The following NKAIN3 variants were observed in gnomAD, a reference collection of about 807,000 sequenced individuals.
NKAIN3 encodes sodium/potassium transporting ATPase interacting 3, also known as sodium/potassium-transporting ATPase subunit beta-1-interacting protein 3.
NKAIN3 carries 25 observed loss-of-function variants against 30.2 expected under a neutral mutation model. The ratio of observed to expected loss-of-function variants is 0.83; its 90% CI spans 0.60 to 1.16. The LOEUF (loss-of-function observed/expected upper bound fraction) is 1.16. NKAIN3 is among the 50% of genes most tolerant of loss of function. The pLI is 0.00. For synonymous variants in NKAIN3, 91 were observed against 89.6 expected (o/e 1.02, Z -0.09); for missense variants, 225 against 254.1 (o/e 0.89, Z 0.78).
At chr8:62,464,153 A>G (rs1292443505) in intron 1 of NKAIN3, among the ~76,000 whole-genome samples, 2 of 152,314 alleles carry the variant, frequency 1.3e-5, no homozygotes, top group Non-Finnish European at 2.9e-5. Flanking sequence ...AAACTGGGTG[A>G]GGAGTATGTG....
intron 4 of NKAIN3, among the ~76,000 whole-genome samples, chr8:62,757,354 T>C (rs539197968): frequency 1.3e-5 from 2 of 152,320 alleles, no homozygotes; most frequent in African/African-American, 4.8e-5. Flanking sequence ...AATAAAATTT[T>C]ATATCACTTT....
intron 3 of NKAIN3, among the ~76,000 whole-genome samples, chr8:62,670,319 A>C (rs1002748773): frequency 1.3e-5 from 2 of 152,102 alleles, no homozygotes; most frequent in South Asian, 4.1e-4. Context: ...TTGCAATATA[A>C]AGAACATCTA....
rs1455053352 is a variant in NKAIN3 at position 62,974,073 on chromosome 8, T to C, written c.*8666T>C. 6.6e-6 allele frequency among the ~76,000 whole-genome samples: 1 copy of C among 152,200 alleles called. No homozygotes were observed. Among genetic ancestry groups the C allele is most frequent in the Admixed American group, 6.5e-5 (1 of 15,284 alleles). On this transcript the variant is annotated 3_prime_UTR_variant, in exon 7 of 7. Coordinates refer to ENST00000623646, the MANE Select transcript of NKAIN3 (RefSeq NM_001304533.3). ...TGTTGTTTTGGTTACTGTAGCCTTG[T>C]AGTATAGTTTGAAGTTAGGTAGCAT... is the stretch of plus-strand genomic sequence containing the variant.
intron 1 of NKAIN3, among the ~76,000 whole-genome samples, chr8:62,354,985 A>G (rs940121518): frequency 6.6e-6 from 1 of 152,142 alleles, no homozygotes; most frequent in African/African-American, 2.4e-5. Flanking sequence ...TAAGCAAGCT[A>G]TCCCTTTTCT....
At chr8:62,387,609 T>A (rs751180527) in intron 1 of NKAIN3, among the ~76,000 whole-genome samples, 3 of 152,170 alleles carry the variant, frequency 2.0e-5, no homozygotes, top group Non-Finnish European at 4.4e-5. Flanking sequence ...TTAATTAGGA[T>A]CCTACTCCCA....
intron 5 of NKAIN3, among the ~76,000 whole-genome samples, chr8:62,945,381 G>C (rs1171090605): frequency 6.6e-6 from 1 of 152,162 alleles, no homozygotes; most frequent in Non-Finnish European, 1.5e-5. Flanking sequence ...GGAAGCAAAA[G>C]ATTGAAAGCC....
intron 4 of NKAIN3, among the ~76,000 whole-genome samples, chr8:62,800,239 G>T (rs1398191042): frequency 2.0e-5 from 3 of 151,764 alleles, no homozygotes; most frequent in Non-Finnish European, 4.4e-5. Context: ...TAAATAAAAA[G>T]TTAAATTGGC....
intron 4 of NKAIN3, among the ~76,000 whole-genome samples, chr8:62,909,572 CA>C (rs1821874773): frequency 6.6e-6 from 1 of 152,050 alleles, no homozygotes; most frequent in African/African-American, 2.4e-5. Context: ...TATTTAAATT[CA>C]AATTCTGGGA....
intron 4 of NKAIN3, among the ~76,000 whole-genome samples, chr8:62,754,321 T>C (rs1386740399): frequency 6.6e-6 from 1 of 151,866 alleles, no homozygotes. Context: ...GTGTTAGTTA[T>C]TTACTGGTAA....
chr8:62,673,132 T>C (rs1380777254), intron 3 of NKAIN3, among the ~76,000 whole-genome samples: 3 of 152,238 alleles, frequency 2.0e-5, no homozygotes, highest in African/African-American at 7.2e-5. Context: ...ACTCCATCTT[T>C]GTCTGATTCC....
At chr8:62,838,151 G>GTGTA (rs1554583127) in intron 4 of NKAIN3, among the ~76,000 whole-genome samples, 218 of 150,654 alleles carry the variant, frequency 1.4e-3, no homozygotes, top group African/African-American at 3.7e-3. Context: ...GTGTGTGTGT[G>GTGTA]TATATAAAAT....
intron 1 of NKAIN3, among the ~76,000 whole-genome samples, chr8:62,453,265 C>G (rs1344050913): frequency 1.3e-5 from 2 of 152,052 alleles, no homozygotes; most frequent in Non-Finnish European, 2.9e-5. Context: ...AAAGAATCAA[C>G]CTGTTTCTGA....
intron 4 of NKAIN3, among the ~76,000 whole-genome samples, chr8:62,749,500 T>C (rs7005977): frequency 0.19 from 29,523 of 152,028 alleles, 3,271 homozygotes; most frequent in African/African-American, 0.29. Flanking sequence ...GGAACACACC[T>C]GCAGGACAAG....
At chr8:62,541,101 G>C (rs779917846) in intron 1 of NKAIN3, among the ~76,000 whole-genome samples, 1 of 152,012 alleles carries the variant, frequency 6.6e-6, no homozygotes, top group Non-Finnish European at 1.5e-5. Flanking sequence ...CTTGAGGTCA[G>C]GAGTTCAAGA....
intron 1 of NKAIN3, among the ~76,000 whole-genome samples, chr8:62,553,503 G>A (rs143102027): frequency 7.3e-5 from 11 of 151,048 alleles, no homozygotes; most frequent in African/African-American, 1.7e-4. Context: ...ATGTTTACAC[G>A]ATGAAAATGA....
intron 1 of NKAIN3, among the ~76,000 whole-genome samples, chr8:62,556,678 C>G (rs1321316601): frequency 1.3e-5 from 2 of 150,582 alleles, no homozygotes; most frequent in Admixed American, 1.3e-4. Flanking sequence ...GAATTTAAGG[C>G]AAAAAAACAT....
chr8:62,656,320 A>G (rs1812762501), intron 3 of NKAIN3, among the ~76,000 whole-genome samples: 1 of 152,204 alleles, frequency 6.6e-6, no homozygotes, highest in South Asian at 2.1e-4. Flanking sequence ...GAATTTCAGC[A>G]GCTGTTACTT....
chr8:62,770,489 A>T (rs909490391), intron 4 of NKAIN3, among the ~76,000 whole-genome samples: 1 of 152,152 alleles, frequency 6.6e-6, no homozygotes, highest in African/African-American at 2.4e-5. Flanking sequence ...CTACTTCCTA[A>T]ATTGCAGATG....
chr8:62,783,254 T>C (rs546395487), intron 4 of NKAIN3, among the ~76,000 whole-genome samples: 7 of 152,156 alleles, frequency 4.6e-5, no homozygotes, highest in African/African-American at 1.7e-4. Flanking sequence ...CATGAGGGCT[T>C]TGAATGGAAT....
Sources: gnomAD v4.1 joint callset for allele counts (sites outside exome capture counted in the v4.1 genomes callset) on GRCh38, gnomAD v4.1.1 for gene constraint, MANE v1.5 for transcripts, NCBI Gene and HGNC (gene_info 2026-07-23, HGNC 2026-07-21) for gene names.